DLGAP2: variants seen among roughly 807,000 people sequenced by gnomAD.
DLGAP2 encodes disks large-associated protein 2.
A neutral mutation model predicts 100.3 loss-of-function variants in DLGAP2; 26 were observed. The ratio of observed to expected loss-of-function variants is 0.26; its 90% confidence interval spans 0.19 to 0.36. The LOEUF (loss-of-function observed/expected upper bound fraction) is 0.36. DLGAP2 is among the 10% of genes least tolerant of loss of function. The pLI is 1.00. For synonymous variants in DLGAP2, 886 were observed against 630.1 expected (o/e 1.41, Z -6.08); for missense variants, 1,858 against 1,453.2 (o/e 1.28, Z -4.53).
chr8:1,352,553 A>G (rs1344594650), intron 3 of DLGAP2, among the ~76,000 whole-genome samples: 2 of 152,162 alleles, frequency 1.3e-5, no homozygotes, highest in Admixed American at 6.5e-5. Flanking sequence ...GTTTATTATA[A>G]TATCATTTTA....
chr8:1,492,863 G>A (rs921484092), intron 3 of DLGAP2, among the ~76,000 whole-genome samples: 2 of 152,132 alleles, frequency 1.3e-5, no homozygotes, highest in African/African-American at 4.8e-5. Flanking sequence ...AGAAAAACAG[G>A]AAGAACTGAA....
chr8:1,075,254 C>A (rs79431687), intron 2 of DLGAP2, among the ~76,000 whole-genome samples: 4,503 of 152,246 alleles, frequency 0.03, 187 homozygotes, highest in East Asian at 0.13. Context: ...CGAGTTAGGA[C>A]CCTCTTGTTG....
chr8:1,669,722 T>C, intron 9 of DLGAP2, 21 bp from the exon 10 acceptor site: 1 of 780,900 alleles, frequency 1.3e-6, no homozygotes, highest in African/African-American at 1.7e-5. Flanking sequence ...CTCCACACTG[T>C]GGCTTCATTG....
chr8:1,294,423 C>T (rs1001044622), intron 3 of DLGAP2, among the ~76,000 whole-genome samples: 2 of 152,116 alleles, frequency 1.3e-5, no homozygotes, highest in Admixed American at 6.5e-5. Flanking sequence ...GCATTATTTT[C>T]CCCATTTTTC....
At chr8:1,176,796 A>G (rs1013296281) in intron 2 of DLGAP2, among the ~76,000 whole-genome samples, 3 of 152,212 alleles carry the variant, frequency 2.0e-5, no homozygotes, top group Admixed American at 2.0e-4. Flanking sequence ...TCTCGGTTGG[A>G]GGCAGGCCTG....
chr8:919,764 C>G (rs1172073378), intron 2 of DLGAP2, among the ~76,000 whole-genome samples: 1 of 152,158 alleles, frequency 6.6e-6, no homozygotes. Flanking sequence ...GCCTCTCTTT[C>G]CTCTGCAGGA....
intron 2 of DLGAP2, among the ~76,000 whole-genome samples, chr8:911,119 G>A (rs1798476193): frequency 6.6e-6 from 1 of 152,036 alleles, no homozygotes; most frequent in African/African-American, 2.4e-5. Context: ...AAGTTTTATA[G>A]CCAGGTGTTC....
chr8:1,426,178 AACTG>A (rs1230821025), intron 3 of DLGAP2, among the ~76,000 whole-genome samples: 1 of 152,210 alleles, frequency 6.6e-6, no homozygotes, highest in East Asian at 1.9e-4. Context: ...GACAACTGTG[AACTG>A]ACTTTGTCCA....
intron 2 of DLGAP2, among the ~76,000 whole-genome samples, chr8:1,069,366 C>G (rs374728770): frequency 2.0e-5 from 3 of 152,296 alleles, no homozygotes; most frequent in African/African-American, 7.2e-5. Flanking sequence ...GACACCAGGT[C>G]TCACTGGAGG....
rs532899903 is a variant in DLGAP2 at position 1,180,510 on chromosome 8, G to A, written c.74-78341G>A. ...TGCCCAGCTCTTAGTCTTCTGTGTT[G>A]CATCACCATGGATTATCTGTTGTAA... On this transcript the variant is annotated intron_variant, in intron 2 of 14. Coordinates refer to ENST00000637795, the MANE Select transcript of DLGAP2 (RefSeq NM_001346810.2). 3.3e-5 allele frequency among the ~76,000 whole-genome samples: 5 copies of A among 152,304 alleles called. No homozygotes were observed. In the South Asian group the frequency reaches 1.0e-3, roughly 32 times the overall value.
intron 4 of DLGAP2, among the ~76,000 whole-genome samples, chr8:1,527,661 C>T (rs935122327): frequency 9.9e-5 from 15 of 152,118 alleles, no homozygotes; most frequent in African/African-American, 3.4e-4. Flanking sequence ...GGGAACGGAA[C>T]GGAAATATTC....
At chr8:960,450 T>C (rs1799700208) in intron 2 of DLGAP2, among the ~76,000 whole-genome samples, 1 of 151,866 alleles carries the variant, frequency 6.6e-6, no homozygotes, top group African/African-American at 2.4e-5. Context: ...CAGGGTGGTC[T>C]TGAACTCCTC....
Position 1,668,672 on chromosome 8 carries a change from G to C in DLGAP2, c.2154G>C (p.Gly718=). 6.5e-7 allele frequency: 1 copy of C among 1,544,112 alleles called. No individual in the cohort carries two copies. The highest frequency in any genetic ancestry group is 1.4e-5 in the African/African-American group (1 of 73,106). ...ELLKSRCSSI[G]IQDSEFPEHQ... Reference sequence around the variant, plus strand: ...TCAAGAGCCGCTGCTCCTCCATCGGGATTCAGGTAGCTGCTCTTGGCCGCC... The same window carrying C: ...TCAAGAGCCGCTGCTCCTCCATCGGCATTCAGGTAGCTGCTCTTGGCCGCC... The change falls in exon 9 of 15, where the codon GGG becomes GGC. Residue 718 remains glycine, a synonymous_variant. Coordinates refer to ENST00000637795, the MANE Select transcript of DLGAP2 (RefSeq NM_001346810.2).
At chr8:1,333,228 C>T (rs1801198305) in intron 3 of DLGAP2, among the ~76,000 whole-genome samples, 1 of 152,114 alleles carries the variant, frequency 6.6e-6, no homozygotes, top group Non-Finnish European at 1.5e-5. Flanking sequence ...AGGAGAAACC[C>T]ACTGCTACCC....
chr8:1,452,308 C>G (rs936829547), intron 3 of DLGAP2, among the ~76,000 whole-genome samples: 1 of 152,206 alleles, frequency 6.6e-6, no homozygotes, highest in Non-Finnish European at 1.5e-5. Context: ...CAGTGAAGGG[C>G]CAAGCACCCT....
intron 1 of DLGAP2, among the ~76,000 whole-genome samples, chr8:831,862 C>T (rs1274472187): frequency 1.3e-5 from 2 of 152,040 alleles, no homozygotes; most frequent in Admixed American, 6.6e-5. Flanking sequence ...TTCTCCACAG[C>T]CTCGCCCACA....
intron 2 of DLGAP2, among the ~76,000 whole-genome samples, chr8:1,080,675 C>T (rs1391384734): frequency 1.3e-5 from 2 of 152,178 alleles, no homozygotes; most frequent in Non-Finnish European, 2.9e-5. Flanking sequence ...AGTAGTTACT[C>T]GGTAAAGGGC....
At chr8:782,846 C>T (rs538392672) in intron 1 of DLGAP2, among the ~76,000 whole-genome samples, 9 of 152,296 alleles carry the variant, frequency 5.9e-5, no homozygotes, top group East Asian at 3.9e-4. Context: ...GGCCCTCTTC[C>T]GCGTCTGCTG....
At position 1,575,097 on chromosome 8, in the gene DLGAP2, A is replaced by C. The variant is rs552059799; in HGVS notation, c.1442+9203A>C. Among the ~76,000 whole-genome samples the C allele has an allele frequency of 1.9e-4, 29 of 152,336 alleles. 1 individual carries two copies. The South Asian group carries it at 6.0e-3, about 32-fold the overall frequency. Reference sequence around the variant, plus strand: ...GAGACTATGAACAATACAAAAAATCATCACAGACGACAGAGTTTCTTCCTC... The same window carrying C: ...GAGACTATGAACAATACAAAAAATCCTCACAGACGACAGAGTTTCTTCCTC... On this transcript the variant is annotated intron_variant, in intron 6 of 14. Coordinates refer to ENST00000637795, the MANE Select transcript of DLGAP2 (RefSeq NM_001346810.2).
Sources: gnomAD v4.1 joint callset for allele counts (sites outside exome capture counted in the v4.1 genomes callset) on GRCh38, gnomAD v4.1.1 for gene constraint, MANE v1.5 for transcripts, NCBI Gene and HGNC (gene_info 2026-07-23, HGNC 2026-07-21) for gene names.